The following CSTPP1 variants were observed in gnomAD, a reference collection of about 807,000 sequenced individuals.
CSTPP1 encodes centriolar satellite-associated tubulin polyglutamylase complex regulator 1.
chr11:47,141,932 CAAA>C, the CSTPP1 span, among the ~76,000 whole-genome samples: 20 of 37,880 alleles, frequency 5.3e-4, no homozygotes, highest in East Asian at 1.4e-3. Flanking sequence ...GACTCTGTCT[CAAA>C]AAAAAAAAAA....
At chr11:47,113,470 T>C in the CSTPP1 span, among the ~76,000 whole-genome samples, 1 of 152,238 alleles carries the variant, frequency 6.6e-6, no homozygotes, top group South Asian at 2.1e-4. Context: ...CCACCAACAG[T>C]GTAAAAGTGT....
At chr11:47,028,812 T>G in the CSTPP1 span, among the ~76,000 whole-genome samples, 1 of 152,090 alleles carries the variant, frequency 6.6e-6, no homozygotes, top group Non-Finnish European at 1.5e-5. Context: ...GGAGACAAAA[T>G]CATGCCATAG....
chr11:47,154,801 AG>A, the CSTPP1 span: 158 of 279,306 alleles, frequency 5.7e-4, 1 homozygote, highest in Non-Finnish European at 1.4e-4. Context: ...GCAGAATGAA[AG>A]GATTTACTGC....
chr11:47,001,241 T>A, the CSTPP1 span, among the ~76,000 whole-genome samples: 1 of 152,208 alleles, frequency 6.6e-6, no homozygotes, highest in Admixed American at 6.5e-5. Context: ...GACCCCCTCA[T>A]GGGTAACTGG....
chr11:47,025,047 T>G, the CSTPP1 span, among the ~76,000 whole-genome samples: 1 of 152,324 alleles, frequency 6.6e-6, no homozygotes, highest in South Asian at 2.1e-4. Flanking sequence ...TAATCATTTG[T>G]GCCTATAGTG....
At chr11:47,102,849 A>G in the CSTPP1 span, among the ~76,000 whole-genome samples, 1 of 152,244 alleles carries the variant, frequency 6.6e-6, no homozygotes, top group African/African-American at 2.4e-5. Flanking sequence ...AACGTAACAA[A>G]CATCTACTTG....
chr11:46,985,935 C>T, the CSTPP1 span, among the ~76,000 whole-genome samples: 1 of 152,118 alleles, frequency 6.6e-6, no homozygotes, highest in Non-Finnish European at 1.5e-5. Flanking sequence ...GGTTCTTAAC[C>T]AGTGATTCTT....
At chr11:46,954,441 C>T in the CSTPP1 span, among the ~76,000 whole-genome samples, 2 of 151,980 alleles carry the variant, frequency 1.3e-5, no homozygotes, top group Non-Finnish European at 2.9e-5. Flanking sequence ...TCCGGCTACC[C>T]TGGAGGCTGA....
At chr11:46,948,458 A>G in the CSTPP1 span, among the ~76,000 whole-genome samples, 1 of 152,188 alleles carries the variant, frequency 6.6e-6, no homozygotes, top group Non-Finnish European at 1.5e-5. Context: ...CCTGGAGGAA[A>G]TTGCACAGAA....
the CSTPP1 span, among the ~76,000 whole-genome samples, chr11:47,069,348 A>T: frequency 1.3e-5 from 2 of 152,234 alleles, no homozygotes; most frequent in African/African-American, 4.8e-5. Flanking sequence ...ATGAACATAT[A>T]CATTTTGTGT....
chr11:46,945,977 G>A, the CSTPP1 span, among the ~76,000 whole-genome samples: 1 of 152,146 alleles, frequency 6.6e-6, no homozygotes, highest in Non-Finnish European at 1.5e-5. Flanking sequence ...GTTCTGGAAT[G>A]GGCCTTTTGG....
chr11:47,145,810 G>A, the CSTPP1 span, among the ~76,000 whole-genome samples: 70 of 152,144 alleles, frequency 4.6e-4, 1 homozygote, highest in East Asian at 1.5e-3. Flanking sequence ...TTTTTATTTT[G>A]TAGAGATGGG....
At chr11:47,114,793 T>C in the CSTPP1 span, among the ~76,000 whole-genome samples, 1 of 152,222 alleles carries the variant, frequency 6.6e-6, no homozygotes, top group Non-Finnish European at 1.5e-5. Context: ...CAATTTGACT[T>C]CCTTATATCC....
At chr11:47,011,234 T>C in the CSTPP1 span, among the ~76,000 whole-genome samples, 1 of 152,340 alleles carries the variant, frequency 6.6e-6, no homozygotes, top group East Asian at 1.9e-4. Flanking sequence ...AAAATACATT[T>C]TTATTACATT....
the CSTPP1 span, among the ~76,000 whole-genome samples, chr11:47,051,163 C>T: frequency 6.6e-6 from 1 of 151,954 alleles, no homozygotes. Context: ...TACCATCGTT[C>T]CCCCCATTGC....
At chr11:47,102,989 G>GAAAAAA in the CSTPP1 span, among the ~76,000 whole-genome samples, 1 of 120,506 alleles carries the variant, frequency 8.3e-6, no homozygotes, top group Non-Finnish European at 1.6e-5. Flanking sequence ...GTGCCTCACA[G>GAAAAAA]AAAAAAAAAA....
chr11:47,005,803 G>T, the CSTPP1 span, among the ~76,000 whole-genome samples: 14 of 152,284 alleles, frequency 9.2e-5, no homozygotes, highest in Non-Finnish European at 2.9e-5. Context: ...TTGTTGGAAT[G>T]ATTAAATGAG....
At chr11:47,164,142 G>A in the CSTPP1 span, 10 of 1,613,994 alleles carry the variant, frequency 6.2e-6, no homozygotes, top group East Asian at 8.9e-5. Flanking sequence ...CAGAGCCAAG[G>A]AGCCAGGGGC....
chr11:47,162,728 C>A, the CSTPP1 span, among the ~76,000 whole-genome samples: 1 of 152,158 alleles, frequency 6.6e-6, no homozygotes, highest in Non-Finnish European at 1.5e-5. Flanking sequence ...AAAACCCACC[C>A]AGAAGCCCAA....
Sources: gnomAD v4.1 joint callset for allele counts (sites outside exome capture counted in the v4.1 genomes callset) on GRCh38, gnomAD v4.1.1 for gene constraint, MANE v1.5 for transcripts, NCBI Gene and HGNC (gene_info 2026-07-23, HGNC 2026-07-21) for gene names.